UBE2E1: variants seen among roughly 807,000 people sequenced by gnomAD.
The protein encoded by UBE2E1 is ubiquitin-conjugating enzyme E2 E1.
A neutral mutation model predicts 21.4 loss-of-function variants in UBE2E1; 6 were observed. The observed-to-expected ratio is 0.28, with a 90% confidence interval of 0.15 to 0.55. The LOEUF is 0.55. Ranked by LOEUF, UBE2E1 falls within the 20% of genes least tolerant of loss-of-function variation. UBE2E1 has a pLI of 0.93. For missense variants in UBE2E1, 142 were observed against 236.5 expected, an observed-to-expected ratio of 0.60 and a Z score of 2.62; for synonymous variants, 87 against 82.7, an observed-to-expected ratio of 1.05 and a Z score of -0.28.
chr3:23,875,875 C>T (rs750457245), intron 3 of UBE2E1, among the ~76,000 whole-genome samples: 1 of 152,234 alleles, frequency 6.6e-6, no homozygotes, highest in Non-Finnish European at 1.5e-5. Flanking sequence ...CAGGTTCAAG[C>T]GATTCTCCTG....
In UBE2E1 at chr3:23,816,502, C is replaced by T. The variant is rs367842392; in HGVS notation, c.203+4992C>T. 5.9e-5 allele frequency among the ~76,000 whole-genome samples: 9 copies of T among 151,998 alleles called. No homozygotes were observed. The highest frequency in any genetic ancestry group is 3.9e-4 in the East Asian group (2 of 5,162). The stretch of plus-strand genomic sequence containing the variant: ...CAGGCGGATCACGAGGTCAGGAGAT[C>T]GACACCATCGTGGCGAACACAGTGA... On this transcript the variant is annotated intron_variant, in intron 3 of 5. Coordinates refer to ENST00000306627, the MANE Select transcript of UBE2E1 (RefSeq NM_003341.5). The surrounding 1 kb of genome is among the most constrained non-coding windows in gnomAD (Gnocchi z 4.8).
chr3:23,841,701 C>T lies in UBE2E1; in HGVS notation c.203+30191C>T, dbSNP rs547868448. On this transcript the variant is annotated intron_variant, in intron 3 of 5. Coordinates refer to ENST00000306627, the MANE Select transcript of UBE2E1 (RefSeq NM_003341.5). ...ATTCTGGAGCCACATTTGTAGCCAC[C>T]ATTAACCAAAACAAAAACAATCCCA... is the stretch of plus-strand genomic sequence containing the variant. 2.6e-5 allele frequency among the ~76,000 whole-genome samples: 4 copies of T among 152,284 alleles called. No homozygotes were observed. The South Asian group carries it at 8.3e-4, about 32-fold the overall frequency.
chr3:23,844,589 A>T (rs1700159021), intron 3 of UBE2E1, among the ~76,000 whole-genome samples: 2 of 152,144 alleles, frequency 1.3e-5, no homozygotes, highest in Non-Finnish European at 2.9e-5. Flanking sequence ...GGGCTTACTT[A>T]AATTTGATTT....
intron 3 of UBE2E1, among the ~76,000 whole-genome samples, chr3:23,864,585 GTTATT>G (rs1283998018): frequency 1.3e-5 from 2 of 152,074 alleles, no homozygotes; most frequent in Non-Finnish European, 2.9e-5. Flanking sequence ...TCCTCTGAAT[GTTATT>G]TTGTTTTGGC....
intron 2 of UBE2E1, chr3:23,811,066 AGGCTGGC>A (rs1699378932): frequency 4.6e-6 from 1 of 215,758 alleles, no homozygotes; most frequent in African/African-American, 2.3e-5. Context: ...GGGAGGCTGG[AGGCTGGC>A]GTCCTTCCCA....
chr3:23,821,655 G>T (rs1181544291), intron 3 of UBE2E1, among the ~76,000 whole-genome samples: 1 of 151,618 alleles, frequency 6.6e-6, no homozygotes, highest in Admixed American at 6.6e-5. Context: ...AGAGATGAGG[G>T]ACAGGAACAA....
chr3:23,865,359 C>G (rs1239157329), intron 3 of UBE2E1, among the ~76,000 whole-genome samples: 1 of 152,162 alleles, frequency 6.6e-6, no homozygotes, highest in African/African-American at 2.4e-5. Context: ...AAGACTTAGT[C>G]CTTTTTTTGA....
intron 3 of UBE2E1, among the ~76,000 whole-genome samples, chr3:23,881,124 A>G (rs913984350): frequency 6.6e-6 from 1 of 152,192 alleles, no homozygotes; most frequent in Non-Finnish European, 1.5e-5. Context: ...CTATCAGTTA[A>G]CAGACACAGC....
intron 3 of UBE2E1, among the ~76,000 whole-genome samples, chr3:23,881,780 C>G (rs1343712900): frequency 1.3e-5 from 2 of 152,326 alleles, no homozygotes; most frequent in Non-Finnish European, 1.5e-5. Flanking sequence ...GTTAACAGTT[C>G]TTAAAGATGG....
chr3:23,807,470 T>A, intron 2 of UBE2E1, 49 bp downstream of exon 2: 1 of 1,588,196 alleles, frequency 6.3e-7, no homozygotes, highest in South Asian at 1.1e-5. Flanking sequence ...CCGAACTGCC[T>A]CTTGCTGCAT....
At chr3:23,844,496 C>T (rs1700156788) in intron 3 of UBE2E1, among the ~76,000 whole-genome samples, 1 of 152,152 alleles carries the variant, frequency 6.6e-6, no homozygotes, top group Admixed American at 6.6e-5. Flanking sequence ...TCCAGCTCTC[C>T]ATCCCCACTA....
rs540718840 is a variant in UBE2E1, at chr3:23,855,959, C to G, written c.204-31608C>G. ...GTGGAATAGCATTAGCTGTGTTTTCCAGATGAGGAAACTGAGGACTGAACT... is the reference window on the plus strand; with the variant it reads ...GTGGAATAGCATTAGCTGTGTTTTCGAGATGAGGAAACTGAGGACTGAACT... On this transcript the variant is annotated intron_variant, in intron 3 of 5. Transcript: ENST00000306627. Among the ~76,000 whole-genome samples the G allele has an allele frequency of 5.9e-5, 9 of 152,292 alleles. No individual in the cohort carries two copies. In the South Asian group the frequency reaches 1.9e-3, roughly 32 times the overall value.
In UBE2E1 at chr3:23,876,348, G is replaced by A. The variant is rs1700914088; in HGVS notation, c.204-11219G>A. Among the ~76,000 whole-genome samples, 1 of 152,144 alleles carries A rather than the reference G, an allele frequency of 6.6e-6. No homozygotes were observed. Among genetic ancestry groups the A allele is most frequent in the Non-Finnish European group, 1.5e-5 (1 of 68,010 alleles). On this transcript the variant is annotated intron_variant, in intron 3 of 5. Transcript: ENST00000306627. The surrounding 1 kb of genome is among the most constrained non-coding windows in gnomAD (Gnocchi z 4.3). ...TTAGTAAAGTTTTCTCATTTTTCAA[G>A]TTCCTTCTGCCACTCGCTTCTAGGT...
At chr3:23,849,815 C>T (rs574899366) in intron 3 of UBE2E1, among the ~76,000 whole-genome samples, 8 of 152,150 alleles carry the variant, frequency 5.3e-5, no homozygotes, top group Non-Finnish European at 8.8e-5. Context: ...CTGCAATAAA[C>T]GTATGTGTGC....
chr3:23,877,034 CAGTT>C (rs1319013785), intron 3 of UBE2E1, among the ~76,000 whole-genome samples: 4 of 152,182 alleles, frequency 2.6e-5, no homozygotes, highest in African/African-American at 9.7e-5. Flanking sequence ...AAGAAAGAAA[CAGTT>C]GGTATTCATT....
At chr3:23,881,324 C>A (rs1300114168) in intron 3 of UBE2E1, among the ~76,000 whole-genome samples, 2 of 152,128 alleles carry the variant, frequency 1.3e-5, no homozygotes, top group African/African-American at 4.8e-5. Context: ...TTATCTTTTT[C>A]TTTTTGCCTT....
chr3:23,816,705 T>C lies in UBE2E1; in HGVS notation c.203+5195T>C, dbSNP rs890275931. On this transcript the variant is annotated intron_variant, in intron 3 of 5. Coordinates refer to ENST00000306627, the MANE Select transcript of UBE2E1 (RefSeq NM_003341.5). The surrounding 1 kb of genome is among the most constrained non-coding windows in gnomAD (Gnocchi z 4.8). ...CTGGGCAACAAAGCGAGGCTCCATC[T>C]CAAAAAAAAAGGTTATACTAAGTGA... Among the ~76,000 whole-genome samples, 6 of 150,216 alleles carry C rather than the reference T, an allele frequency of 4.0e-5. No homozygotes were observed. The highest frequency in any genetic ancestry group is 7.4e-5 in the Non-Finnish European group (5 of 67,536).
Position 23,879,495 on chromosome 3 carries a change from C to T in UBE2E1, c.204-8072C>T, listed in dbSNP as rs146425923. The T allele has an allele frequency of 6.8e-5, 22 of 324,728 alleles. No individual in the cohort carries two copies. In the East Asian group the frequency reaches 1.6e-3, roughly 24 times the overall value. The allele number at this position is 324,728 out of a possible 1,614,324, so 20.1% of individuals were successfully genotyped here. A position where few individuals can be genotyped will look rare whatever the true frequency, so the allele number is the denominator to read the frequency against. On this transcript the variant is annotated intron_variant, in intron 3 of 5. Transcript: ENST00000306627. ...GAAGTGTGGTCTGATAGTCCATTTC[C>T]CAATTTCCCACTGCAAATAAATGTC...
chr3:23,831,753 G>A (rs950736220), intron 3 of UBE2E1, among the ~76,000 whole-genome samples: 1 of 151,606 alleles, frequency 6.6e-6, no homozygotes, highest in African/African-American at 2.4e-5. Flanking sequence ...CTGGAATGCA[G>A]TGGTGCGATC....
Sources: gnomAD v4.1 joint callset for allele counts (sites outside exome capture counted in the v4.1 genomes callset) on GRCh38, gnomAD v4.1.1 for gene constraint, Gnocchi (gnomAD v3.1) non-coding constraint, MANE v1.5 for transcripts, NCBI Gene and HGNC (gene_info 2026-07-23, HGNC 2026-07-21) for gene names.